Variants in NCOR2 observed in about 807,000 individuals in gnomAD.
NCOR2 encodes nuclear receptor corepressor 2, also known as CTG repeat protein 26.
Under a neutral mutation model 262.9 loss-of-function variants are expected in NCOR2, and 81 were observed. The ratio of observed to expected loss-of-function variants is 0.31; its 90% CI spans 0.26 to 0.37. NCOR2 has a LOEUF of 0.37. Among genes scored for constraint, NCOR2 ranks in the 10% least tolerant of loss-of-function variants. The probability of loss-of-function intolerance (pLI) is 1.00; values close to 1 mark genes in which losing one functional copy is unlikely to be tolerated. For missense variants in NCOR2, 3,385 were observed against 3,621.4 expected, an observed-to-expected ratio of 0.93 and a Z score of 1.68; for synonymous variants, 1,659 against 1,559.3, an observed-to-expected ratio of 1.06 and a Z score of -1.51.
rs545009156 is a variant in NCOR2 at position 124,340,212 on chromosome 12, C to T, written c.5489-8G>A. On this transcript the variant is annotated splice_polypyrimidine_tract_variant and splice_region_variant and intron_variant, in intron 36 of 46. Transcript: ENST00000405201. ...CGCTGCTCTGCTCTGTACCTGGTGACAGTCAGTGGCATCAGCAGGGGGAGG... is the reference window on the plus strand; with the variant it reads ...CGCTGCTCTGCTCTGTACCTGGTGATAGTCAGTGGCATCAGCAGGGGGAGG... 41 of 1,590,134 alleles carry T rather than the reference C, an allele frequency of 2.6e-5. No individual in the cohort carries two copies. The highest frequency in any genetic ancestry group is 9.0e-5 in the East Asian group (4 of 44,290).
chr12:124,491,399 G>A (rs888880953), intron 1 of NCOR2, among the ~76,000 whole-genome samples: 3 of 151,912 alleles, frequency 2.0e-5, no homozygotes, highest in African/African-American at 7.3e-5. Flanking sequence ...GGGAAACTGA[G>A]GCACGGGACG....
intron 1 of NCOR2, among the ~76,000 whole-genome samples, chr12:124,562,815 G>A (rs749930465): frequency 4.9e-4 from 74 of 152,320 alleles, no homozygotes; most frequent in Middle Eastern, 3.4e-3. Flanking sequence ...GCCTGTAGGT[G>A]AGGACCCGGG....
In NCOR2 at chr12:124,549,294, C is replaced by A. The variant is rs1010419338; in HGVS notation, c.-164-13683G>T. Among the ~76,000 whole-genome samples, 14 of 151,514 alleles carry A rather than the reference C, an allele frequency of 9.2e-5. No homozygotes were observed. The highest frequency in any genetic ancestry group is 2.7e-4 in the African/African-American group (11 of 41,358). On this transcript the variant is annotated intron_variant, in intron 1 of 32. Transcript: ENST00000458234. This position sits in a 1 kb window ranked among gnomAD's most constrained non-coding sequence, Gnocchi z 4.4. Reference sequence around the variant, plus strand: ...GCTGGCGGTGGGAGGGGCAGGGCCGCGGCTGGAGGATAAAATCCCACACTC... The same window carrying A: ...GCTGGCGGTGGGAGGGGCAGGGCCGAGGCTGGAGGATAAAATCCCACACTC...
intron 1 of NCOR2, among the ~76,000 whole-genome samples, chr12:124,510,214 T>G (rs557566241): frequency 6.6e-6 from 1 of 152,296 alleles, no homozygotes; most frequent in East Asian, 1.9e-4. Context: ...CCACAGGCAC[T>G]GATGCACCCC....
chr12:124,355,666 T>C (rs1593186570), intron 23 of NCOR2, 95 bp from the exon 26 acceptor site: 8 of 1,438,942 alleles, frequency 5.6e-6, no homozygotes, highest in Non-Finnish European at 7.3e-6. Flanking sequence ...TTCCCTGTCC[T>C]GGCCAGGAAG....
At chr12:124,477,978 C>G (rs138641903) in intron 3 of NCOR2, among the ~76,000 whole-genome samples, 1 of 152,346 alleles carries the variant, frequency 6.6e-6, no homozygotes, top group Non-Finnish European at 1.5e-5. Flanking sequence ...CAGGGCCCAG[C>G]TTCACGCACT....
exon 32 of NCOR2, chr12:124,344,925 G>A (rs757267460): frequency 1.7e-5 from 26 of 1,562,066 alleles, no homozygotes; most frequent in East Asian, 2.4e-5. Context: ...TGGTGGACGC[G>A]CCGGTGTCGT....
intron 13 of NCOR2, among the ~76,000 whole-genome samples, chr12:124,404,818 G>A (rs988429478): frequency 6.6e-6 from 1 of 152,224 alleles, no homozygotes; most frequent in East Asian, 1.9e-4. Context: ...AGTCCTGATG[G>A]AGATGAAAAC....
Position 124,389,966 on chromosome 12 carries a change from G to T in NCOR2, c.1877-4079C>A, listed in dbSNP as rs981889161. Among the ~76,000 whole-genome samples the T allele has an allele frequency of 3.3e-5, 5 of 152,132 alleles. No individual in the cohort carries two copies. Among genetic ancestry groups the T allele is most frequent in the Admixed American group, 2.0e-4 (3 of 15,270 alleles). On this transcript the variant is annotated intron_variant, in intron 16 of 46. Coordinates refer to ENST00000405201, the Ensembl canonical transcript of NCOR2. The surrounding 1 kb of genome is among the most constrained non-coding windows in gnomAD (Gnocchi z 4.4). ...TCACGACCGACTTCCCTGACTCTGG[G>T]ATCATTAACCTGCTTTTCCCTTTAA... is the stretch of plus-strand genomic sequence containing the variant.
intron 15 of NCOR2, among the ~76,000 whole-genome samples, chr12:124,399,471 A>G (rs2041878358): frequency 6.6e-6 from 1 of 152,198 alleles, no homozygotes; most frequent in Non-Finnish European, 1.5e-5. Context: ...ACCAAGAGGC[A>G]GCTGGAAAAT....
Position 124,524,188 on chromosome 12 carries a change from A to G in NCOR2, c.-118+11377T>C, listed in dbSNP as rs551933557. On this transcript the variant is annotated intron_variant, in intron 1 of 46. Coordinates refer to the NCOR2 transcript ENST00000404621. ...AAGAAAACTTGTTCTGGCCCATTCA[A>G]TGTTTTTTAAAAACTAGGCCATTCC... 8.4e-4 allele frequency among the ~76,000 whole-genome samples: 128 copies of G among 152,314 alleles called. 1 individual carries two copies. The highest frequency in any genetic ancestry group is 2.9e-3 in the African/African-American group (121 of 41,564).
In NCOR2 at chr12:124,340,812, C is replaced by T. The variant is rs900704647; in HGVS notation, c.5189-61G>A. On this transcript the variant is annotated intron_variant, in intron 34 of 46. Coordinates refer to ENST00000405201, the Ensembl canonical transcript of NCOR2. ...GGAGGAGAGAGGCCAGGCTGCCCAC[C>T]GGCCAGATCACCCTCCTGGAGAGCA... The T allele has an allele frequency of 5.1e-5, 72 of 1,418,854 alleles. No individual in the cohort carries two copies. The East Asian group carries it at 7.3e-4, about 14-fold the overall frequency. 87.9% of individuals were successfully genotyped at this position (1,418,854 alleles called of 1,614,324 possible). A position where few individuals can be genotyped will look rare whatever the true frequency, so the allele number is the denominator to read the frequency against.
At chr12:124,343,297 G>C in intron 32 of NCOR2, 71 bp from the exon 35 acceptor site, 1 of 1,317,884 alleles carries the variant, frequency 7.6e-7, no homozygotes, top group Non-Finnish European at 1.0e-6. Context: ...TGAGGATAGG[G>C]ACCTCGGGAT....
At chr12:124,532,722 C>CG in intron 1 of NCOR2, among the ~76,000 whole-genome samples, 1 of 152,256 alleles carries the variant, frequency 6.6e-6, no homozygotes, top group South Asian at 2.1e-4. Context: ...CGCCGATGGA[C>CG]GGGGGACAGA....
chr12:124,372,057 G>A (rs376566522), exon 20 of NCOR2: 105 of 1,603,276 alleles, frequency 6.5e-5, no homozygotes, highest in Non-Finnish European at 8.2e-5. Context: ...CATCCACCTC[G>A]TCTGCACTGC....
intron 22 of NCOR2, among the ~76,000 whole-genome samples, chr12:124,360,963 C>T (rs985571247): frequency 6.6e-6 from 1 of 152,150 alleles, no homozygotes; most frequent in Non-Finnish European, 1.5e-5. Flanking sequence ...CCTCTTCTCC[C>T]TACCTAATCC....
At chr12:124,519,716 A>G (rs11057650) in intron 1 of NCOR2, among the ~76,000 whole-genome samples, 14,105 of 152,124 alleles carry the variant, frequency 0.093, 1,746 homozygotes, top group African/African-American at 0.28. Flanking sequence ...ATTAATAACA[A>G]TAACAGTGGC....
rs1476414696 is a variant in NCOR2, at chr12:124,454,585, C to T, written c.762+2521G>A. On this transcript the variant is annotated intron_variant, in intron 6 of 46. Coordinates refer to ENST00000405201, the Ensembl canonical transcript of NCOR2. This position sits in a 1 kb window ranked among gnomAD's most constrained non-coding sequence, Gnocchi z 5.6. Reference sequence around the variant, plus strand: ...AGGCCCCCGGGGACCAATCAGGAAACGGGAGCGGGAGGACCCGGAAATCTG... The same window carrying T: ...AGGCCCCCGGGGACCAATCAGGAAATGGGAGCGGGAGGACCCGGAAATCTG... Among the ~76,000 whole-genome samples, 1 of 152,070 alleles carries T rather than the reference C, an allele frequency of 6.6e-6. No homozygotes were observed. The highest frequency in any genetic ancestry group is 1.9e-4 in the East Asian group (1 of 5,184).
At chr12:124,348,218 A>G in exon 29 of NCOR2, 4 of 1,612,704 alleles carry the variant, frequency 2.5e-6, no homozygotes, top group Non-Finnish European at 3.4e-6. Flanking sequence ...GCGGCCCTCC[A>G]TCATGTCATA....
Sources: gnomAD v4.1 joint callset for allele counts (sites outside exome capture counted in the v4.1 genomes callset) on GRCh38, gnomAD v4.1.1 for gene constraint, Gnocchi (gnomAD v3.1) non-coding constraint, MANE v1.5 for transcripts, NCBI Gene and HGNC (gene_info 2026-07-23, HGNC 2026-07-21) for gene names.